The following INTS1 variants were observed in gnomAD, a reference collection of about 807,000 sequenced individuals.
The protein encoded by INTS1 is integrator complex subunit 1.
INTS1 carries 137 observed loss-of-function variants against 241.6 expected under a neutral mutation model. That is an observed-to-expected ratio of 0.57 (90% CI 0.49 to 0.65). INTS1 has a LOEUF of 0.65. INTS1 is among the 30% of genes least tolerant of loss of function. INTS1 has a pLI of 0.00. For synonymous variants in INTS1, 1,692 were observed against 1,337.8 expected (o/e 1.26, Z -5.78); for missense variants, 3,073 against 3,032.2 (o/e 1.01, Z -0.32).
chr7:1,493,238 A>G lies in INTS1; in HGVS notation c.2069-132T>C. The G allele has an allele frequency of 1.5e-6, 1 of 671,248 alleles. No individual in the cohort carries two copies. Among genetic ancestry groups the G allele is most frequent in the South Asian group, 1.8e-5 (1 of 54,108 alleles). The allele number at this position is 671,248 out of a possible 1,614,324, so 41.6% of individuals were successfully genotyped here. On this transcript the variant is annotated intron_variant, in intron 15 of 47. Transcript: ENST00000404767. The surrounding 1 kb of genome is among the most constrained non-coding windows in gnomAD (Gnocchi z 5.3). Reference sequence around the variant, plus strand: ...TGCCGCAGGGTGGGGCGCAGGCCTGAGCAGGAGAGCTGGGGGAAGCTTGGC... The same window carrying G: ...TGCCGCAGGGTGGGGCGCAGGCCTGGGCAGGAGAGCTGGGGGAAGCTTGGC...
At chr7:1,485,052 C>T (rs1056790803) in intron 24 of INTS1, 46 bp downstream of exon 24, 20 of 1,194,720 alleles carry the variant, frequency 1.7e-5, no homozygotes, top group Admixed American at 4.1e-5. Context: ...CGGCTGGCCC[C>T]GTCCCCTCCC....
intron 11 of INTS1, among the ~76,000 whole-genome samples, chr7:1,496,624 G>A (rs1221862268): frequency 6.6e-6 from 1 of 152,158 alleles, no homozygotes; most frequent in African/African-American, 2.4e-5. Context: ...AGGGGCACCA[G>A]GGCCGGTGGC....
In INTS1 at chr7:1,484,078, G is replaced by A. The variant is rs199949241; in HGVS notation, c.3354C>T (p.Ser1118=). Residue 1118 remains serine (S), a synonymous_variant, in exon 25 of 48, where the codon AGC becomes AGT. Transcript: ENST00000404767. ...AGCGTGAGAAGATGGACAACAGAGC[G>A]CTCAGCACGGCGTCCGACGCGGCAC... ...SPSAASDAVL[S]ALLSIFSRYV... is the part of the protein sequence containing the mutation. The A allele has an allele frequency of 1.1e-4, 183 of 1,612,454 alleles. No individual in the cohort carries two copies. The African/African-American group carries it at 1.9e-3, about 17-fold the overall frequency.
Position 1,499,329 on chromosome 7 carries a change from C to T in INTS1, c.876G>A (p.Glu292=), listed in dbSNP as rs1405701748. 1.2e-6 allele frequency: 2 copies of T among 1,600,572 alleles called. No homozygotes were observed. The highest frequency in any genetic ancestry group is 2.2e-5 in the East Asian group (1 of 44,722). ...TCAGCAACTCCGTCTGGCTGTCCTC[C>T]TCCTCCGTGAGGGAGGGGTGTGGGC... ...GSSPHPSLTE[E]EDSQTELLIA... The change falls in exon 7 of 48, where the codon GAG becomes GAA. Residue 292 remains glutamate, a synonymous_variant. Transcript: ENST00000404767.
intron 10 of INTS1, 131 bp downstream of exon 10, chr7:1,498,281 C>T: frequency 1.4e-6 from 2 of 1,407,158 alleles, no homozygotes; most frequent in Non-Finnish European, 1.9e-6. Flanking sequence ...TCAAAAGCTC[C>T]TTCCCGAGAC....
chr7:1,480,426 G>T lies in INTS1; in HGVS notation c.3965C>A (p.Pro1322His). Reference sequence around the variant, plus strand: ...CTGCTCTGGGCTGCTCTTTGGTTTGGGTGCCTCTGTGCTGTCTGCAGAGAC... The same window carrying T: ...CTGCTCTGGGCTGCTCTTTGGTTTGTGTGCCTCTGTGCTGTCTGCAGAGAC... ...LPPRRDSTEAPKPKSSPEQPI... is the reference protein window; with the variant it reads ...LPPRRDSTEAHKPKSSPEQPI... Residue 1322 changes from proline (P) to histidine (H), a missense_variant, in exon 30 of 48, where the codon CCC (proline) becomes CAC (histidine). By Grantham distance (77) the Pro-to-His change is moderately conservative. Transcript: ENST00000404767. 2 of 1,613,414 alleles carry T rather than the reference G, an allele frequency of 1.2e-6. No individual in the cohort carries two copies. Among genetic ancestry groups the T allele is most frequent in the Non-Finnish European group, 1.7e-6 (2 of 1,179,676 alleles).
At chr7:1,498,916 G>A (rs1341216926) in intron 8 of INTS1, 59 bp downstream of exon 8, 1 of 1,532,466 alleles carries the variant, frequency 6.5e-7, no homozygotes. Flanking sequence ...ACGCTGTGGG[G>A]CCACACAGAG....
At chr7:1,491,877 T>A (rs1278068740) in intron 16 of INTS1, among the ~76,000 whole-genome samples, 1 of 152,134 alleles carries the variant, frequency 6.6e-6, no homozygotes, top group Non-Finnish European at 1.5e-5. Context: ...CCAGCCTAGG[T>A]GACAGACAGA....
intron 33 of INTS1, 133 bp downstream of exon 33, chr7:1,478,233 G>A (rs529779146): frequency 8.8e-6 from 9 of 1,023,050 alleles, no homozygotes; most frequent in Admixed American, 7.5e-5. Context: ...TCTGGGAGGG[G>A]ACCTCTGTGG....
Position 1,495,105 on chromosome 7 carries a change from C to T in INTS1, c.1833-212G>A, listed in dbSNP as rs533801793. On this transcript the variant is annotated intron_variant, in intron 13 of 47. Transcript: ENST00000404767. Reference sequence around the variant, plus strand: ...CTGCACAGCGGCCGAACGGGGCTGCCGGGCTGGACAGCCCTTTACAAAATC... The same window carrying T: ...CTGCACAGCGGCCGAACGGGGCTGCTGGGCTGGACAGCCCTTTACAAAATC... Among the ~76,000 whole-genome samples, 11 of 95,090 alleles carry T rather than the reference C, an allele frequency of 1.2e-4. No homozygotes were observed. In the East Asian group the frequency reaches 2.2e-3, roughly 19 times the overall value. 62.4% of individuals were successfully genotyped at this position (95,090 alleles called of 152,430 possible).
At chr7:1,504,038 A>G in intron 1 of INTS1, 37 bp from the exon 2 acceptor site, 1 of 1,093,818 alleles carries the variant, frequency 9.1e-7, no homozygotes, top group Non-Finnish European at 1.3e-6. Context: ...TCCTTCACTC[A>G]TTCGCTCGTT....
chr7:1,498,564 T>G lies in INTS1; in HGVS notation c.1284-11A>C. 2 of 1,613,252 alleles carry G rather than the reference T, an allele frequency of 1.2e-6. No individual in the cohort carries two copies. Among genetic ancestry groups the G allele is most frequent in the Non-Finnish European group, 1.7e-6 (2 of 1,179,796 alleles). The stretch of plus-strand genomic sequence containing the variant: ...GCGCTCAGCAGCTCCCTGGGTGAGG[T>G]GAGGGTACAGACCCTGTCCCCGCTA... On this transcript the variant is annotated splice_polypyrimidine_tract_variant and intron_variant, in intron 9 of 47. Coordinates refer to ENST00000404767, the MANE Select transcript of INTS1 (RefSeq NM_001080453.3).
Position 1,493,626 on chromosome 7 carries a change from C to T in INTS1, c.2068+128G>A, listed in dbSNP as rs974954622. On this transcript the variant is annotated intron_variant, in intron 15 of 47. Coordinates refer to ENST00000404767, the MANE Select transcript of INTS1 (RefSeq NM_001080453.3). The surrounding 1 kb of genome is among the most constrained non-coding windows in gnomAD (Gnocchi z 5.3). ...GGAGAAGGCAGGTCCCCGAGCCTCC[C>T]GGGGACCCAGGACCCAGCTGAAGCG... The T allele has an allele frequency of 7.8e-6, 10 of 1,282,630 alleles. No homozygotes were observed. The highest frequency in any genetic ancestry group is 3.1e-5 in the Admixed American group (1 of 32,556). 79.5% of individuals were successfully genotyped at this position (1,282,630 alleles called of 1,614,324 possible).
intron 35 of INTS1, among the ~76,000 whole-genome samples, 170 bp from the exon 36 acceptor site, chr7:1,477,088 G>C (rs1367868075): frequency 2.0e-5 from 3 of 152,156 alleles, no homozygotes; most frequent in Admixed American, 2.0e-4. Context: ...TGGCTGCGCT[G>C]CATCTCCCCG....
In INTS1 at chr7:1,494,957, C is replaced by A. The variant is rs752792; in HGVS notation, c.1833-64G>T. 638,843 of 1,533,404 alleles carry A rather than the reference C, an allele frequency of 0.42. 136,379 individuals are homozygous for A. Among genetic ancestry groups the A allele is most frequent in the East Asian group, 0.73 (29,744 of 40,830 alleles). The allele number at this position is 1,533,404 out of a possible 1,614,324, so 95.0% of individuals were successfully genotyped here. A position where few individuals can be genotyped will look rare whatever the true frequency, so the allele number is the denominator to read the frequency against. On this transcript the variant is annotated intron_variant, in intron 13 of 47. Coordinates refer to ENST00000404767, the MANE Select transcript of INTS1 (RefSeq NM_001080453.3). ...TGCTCAGGGACCAGCCCCGTTAGTT[C>A]CAGGGAAGGGACCCCGCTCCCACGG...
chr7:1,498,947 C>CCCCCCCCCCCCCCCCCCCGG, intron 8 of INTS1, 28 bp downstream of exon 8: 7 of 1,339,464 alleles, frequency 5.2e-6, no homozygotes, highest in Non-Finnish European at 5.1e-6. Context: ...CCCCCTGCCC[C>CCCCCCCCCCCCCCCCCCCGG]GCCCACCCCC....
rs1371270811 is a variant in INTS1, at chr7:1,502,939, G to A, written c.311C>T (p.Ser104Phe). 2.5e-6 allele frequency: 4 copies of A among 1,613,856 alleles called. No individual in the cohort carries two copies. The highest frequency in any genetic ancestry group is 2.2e-5 in the East Asian group (1 of 44,862). ...EAAVAEKRAI[S>F]PSIKEPSVVP... ...CACAGATGGCTCTTTAATCGACGGA[G>A]AAATGGCTCGTTTTTCTGCCACTGC... Residue 104 changes from serine (S) to phenylalanine (F), a missense_variant, in exon 3 of 48, where the codon TCT (serine) becomes TTT (phenylalanine). Physicochemically the swap from Ser to Phe is radical, Grantham distance 155. Coordinates refer to ENST00000404767, the MANE Select transcript of INTS1 (RefSeq NM_001080453.3).
intron 10 of INTS1, 127 bp downstream of exon 10, chr7:1,498,285 C>T: frequency 7.0e-7 from 1 of 1,425,280 alleles, no homozygotes; most frequent in Middle Eastern, 2.5e-4. Context: ...AAGCTCCTTC[C>T]CGAGACCGAG....
At position 1,470,566 on chromosome 7, in the gene INTS1, C is replaced by A; in HGVS notation, c.*11G>T. The A allele has an allele frequency of 6.5e-7, 1 of 1,537,254 alleles. No individual in the cohort carries two copies. Among genetic ancestry groups the A allele is most frequent in the East Asian group, 2.4e-5 (1 of 41,320 alleles). On this transcript the variant is annotated 3_prime_UTR_variant, in exon 48 of 48. Transcript: ENST00000404767. ...GGGCCGGGGCTTGGAGGGGGGTCGG[C>A]TGCCACAGGCTCACATCACGGCCTC...
Sources: gnomAD v4.1 joint callset for allele counts (sites outside exome capture counted in the v4.1 genomes callset) on GRCh38, gnomAD v4.1.1 for gene constraint, Gnocchi (gnomAD v3.1) non-coding constraint, MANE v1.5 for transcripts, NCBI Gene and HGNC (gene_info 2026-07-23, HGNC 2026-07-21) for gene names.